INSL6: variants seen among roughly 807,000 people sequenced by gnomAD.
INSL6 encodes insulin like 6.
INSL6 carries 16 observed loss-of-function variants against 9.4 expected under a neutral mutation model. That is an observed-to-expected ratio of 1.70 (90% CI 1.15 to 2.59). INSL6 has a LOEUF of 2.59. Among genes scored for constraint, INSL6 ranks in the 30% most tolerant of loss-of-function variants. The pLI, the probability that INSL6 is intolerant of heterozygous loss-of-function variation, is 0.00. For synonymous variants in INSL6, 154 were observed against 96.9 expected (o/e 1.59, Z -3.46); for missense variants, 391 against 257.3 (o/e 1.52, Z -3.56).
intron 2 of INSL6, among the ~76,000 whole-genome samples, chr9:5,145,843 GCT>G (rs1421829702): frequency 6.6e-6 from 1 of 152,046 alleles, no homozygotes; most frequent in Non-Finnish European, 1.5e-5. Flanking sequence ...TTGTCTTTCA[GCT>G]CTTTTTATTA....
At chr9:5,002,629 A>G in the INSL6 span, among the ~76,000 whole-genome samples, 1 of 151,942 alleles carries the variant, frequency 6.6e-6, no homozygotes, top group Non-Finnish European at 1.5e-5. Flanking sequence ...TGTTCTGTAA[A>G]TGTCAGTTAT....
chr9:5,167,001 C>T (rs148065702), intron 1 of INSL6, among the ~76,000 whole-genome samples: 147 of 152,186 alleles, frequency 9.7e-4, no homozygotes, highest in African/African-American at 3.3e-3. Context: ...TCTGCAGCTC[C>T]CACCGAAAAG....
chr9:5,052,220 C>G, the INSL6 span, among the ~76,000 whole-genome samples: 1 of 152,094 alleles, frequency 6.6e-6, no homozygotes, highest in Non-Finnish European at 1.5e-5. Context: ...CATCCAAAGT[C>G]TTGGCACAAT....
chr9:5,026,011 C>T, the INSL6 span, among the ~76,000 whole-genome samples: 5 of 152,098 alleles, frequency 3.3e-5, no homozygotes, highest in Admixed American at 6.6e-5. Flanking sequence ...ATCTGTGCCT[C>T]TTTTTTTCTT....
At chr9:5,017,244 G>T in the INSL6 span, among the ~76,000 whole-genome samples, 3 of 152,188 alleles carry the variant, frequency 2.0e-5, no homozygotes, top group African/African-American at 7.2e-5. Context: ...AACCCACAGA[G>T]CCCCACTGAA....
the INSL6 span, among the ~76,000 whole-genome samples, chr9:5,045,996 T>G: frequency 6.6e-6 from 1 of 152,320 alleles, no homozygotes; most frequent in African/African-American, 2.4e-5. Context: ...TATTTTTCAG[T>G]CCTACCAGCA....
chr9:5,141,458 G>A (rs1824500199), intron 2 of INSL6, among the ~76,000 whole-genome samples: 1 of 152,160 alleles, frequency 6.6e-6, no homozygotes, highest in Non-Finnish European at 1.5e-5. Flanking sequence ...GATCAGTGAT[G>A]TTGAGCTTTT....
At chr9:5,085,948 G>T in the INSL6 span, 3 of 1,120,896 alleles carry the variant, frequency 2.7e-6, no homozygotes, top group Non-Finnish European at 4.1e-6. Context: ...AGTTTGAAAG[G>T]ATCGGTGTAT....
chr9:4,999,823 T>C, the INSL6 span, among the ~76,000 whole-genome samples: 2 of 152,218 alleles, frequency 1.3e-5, no homozygotes, highest in African/African-American at 2.4e-5. Flanking sequence ...TTAATGTCAT[T>C]AATTTTTTCC....
At chr9:5,163,849 A>C (rs1586870534), downstream of INSL6, 2 of 513,238 alleles carry the variant, frequency 3.9e-6, no homozygotes, top group African/African-American at 2.3e-5. Flanking sequence ...GCACAATTAC[A>C]AAAAAAAATA....
intron 2 of INSL6, among the ~76,000 whole-genome samples, chr9:5,143,638 G>C (rs925242599): frequency 6.7e-6 from 1 of 150,328 alleles, no homozygotes; most frequent in Non-Finnish European, 1.5e-5. Flanking sequence ...CAAATAAACA[G>C]CTCCTGGATC....
the INSL6 span, among the ~76,000 whole-genome samples, chr9:5,014,981 A>C: frequency 6.6e-6 from 1 of 152,196 alleles, no homozygotes; most frequent in Admixed American, 6.5e-5. Flanking sequence ...TGCCTAAACA[A>C]TGTACTATTC....
At chr9:5,062,514 AAAAAAAAAAAAAAAAAAG>A in the INSL6 span, among the ~76,000 whole-genome samples, 1 of 102,936 alleles carries the variant, frequency 9.7e-6, no homozygotes, top group Non-Finnish European at 2.4e-5. Flanking sequence ...AAAAAAAAAA[AAAAAAAAAAAAAAAAAAG>A]GTCATATCTG....
chr9:5,128,526 C>T (rs762747898), intron 3 of INSL6, among the ~76,000 whole-genome samples: 1 of 151,824 alleles, frequency 6.6e-6, no homozygotes, highest in Non-Finnish European at 1.5e-5. Flanking sequence ...TAAAACTTAA[C>T]TACATACTTA....
chr9:5,075,783 T>G, the INSL6 span, among the ~76,000 whole-genome samples: 1 of 152,266 alleles, frequency 6.6e-6, no homozygotes, highest in Non-Finnish European at 1.5e-5. Flanking sequence ...TCTTATTATC[T>G]AAGAAATACA....
chr9:5,148,794 T>G (rs1490481825), intron 2 of INSL6, among the ~76,000 whole-genome samples: 1 of 152,094 alleles, frequency 6.6e-6, no homozygotes, highest in Non-Finnish European at 1.5e-5. Flanking sequence ...TGGTGGGAGA[T>G]CCAAAGGTTT....
chr9:5,174,579 T>G (rs998490018), intron 1 of INSL6, among the ~76,000 whole-genome samples: 1 of 152,226 alleles, frequency 6.6e-6, no homozygotes, highest in Non-Finnish European at 1.5e-5. Context: ...TTGGTGTTTC[T>G]GAGGACTCAG....
the INSL6 span, among the ~76,000 whole-genome samples, chr9:5,007,725 C>CT: frequency 9.4e-4 from 136 of 144,556 alleles, no homozygotes; most frequent in Middle Eastern, 3.7e-3. Context: ...ATTATATTGT[C>CT]TTTTTTTTTT....
At chr9:5,115,941 AG>A in the INSL6 span, among the ~76,000 whole-genome samples, 2 of 152,300 alleles carry the variant, frequency 1.3e-5, no homozygotes, top group Admixed American at 1.3e-4. Flanking sequence ...TAGCTTTAAG[AG>A]AAATACCTAA....
Sources: gnomAD v4.1 joint callset for allele counts (sites outside exome capture counted in the v4.1 genomes callset) on GRCh38, gnomAD v4.1.1 for gene constraint, MANE v1.5 for transcripts, NCBI Gene and HGNC (gene_info 2026-07-23, HGNC 2026-07-21) for gene names.